Variants in PCDHA9 observed in about 807,000 individuals in gnomAD.
The protein encoded by PCDHA9 is protocadherin alpha-9.
PCDHA9 carries 62 observed loss-of-function variants against 62.0 expected under a neutral mutation model. That is an observed-to-expected ratio of 1.00 (90% CI 0.81 to 1.23). The LOEUF is 1.23. PCDHA9 is among the 50% of genes most tolerant of loss of function. The pLI is 0.00. For synonymous variants in PCDHA9, 557 were observed against 567.6 expected, an observed-to-expected ratio of 0.98 and a Z score of 0.27; for missense variants, 1,205 against 1,249.8, an observed-to-expected ratio of 0.96 and a Z score of 0.54.
At chr5:140,989,863 TTCTC>T (rs2097364159) in intron 3 of PCDHA9, among the ~76,000 whole-genome samples, 1 of 151,988 alleles carries the variant, frequency 6.6e-6, no homozygotes, top group Non-Finnish European at 1.5e-5. Flanking sequence ...AGAGGAATCT[TTCTC>T]TGCCTCAGCA....
At chr5:140,964,566 G>A (rs2095840528) in intron 1 of PCDHA9, among the ~76,000 whole-genome samples, 1 of 152,168 alleles carries the variant, frequency 6.6e-6, no homozygotes, top group Non-Finnish European at 1.5e-5. Context: ...GGGCTGGGAG[G>A]AGATAAGGGG....
At chr5:140,927,243 C>A in intron 1 of PCDHA9, 1 of 1,614,132 alleles carries the variant, frequency 6.2e-7, no homozygotes. Flanking sequence ...TCCTGGACAC[C>A]AATGACAACT....
At chr5:141,000,595 T>G (rs1438785385) in intron 3 of PCDHA9, among the ~76,000 whole-genome samples, 1 of 150,924 alleles carries the variant, frequency 6.6e-6, no homozygotes, top group African/African-American at 2.4e-5. Context: ...GCCCAGCTAA[T>G]TTTTGTATTT....
chr5:140,955,452 G>C (rs921510611), intron 1 of PCDHA9, among the ~76,000 whole-genome samples: 3 of 152,024 alleles, frequency 2.0e-5, no homozygotes, highest in Non-Finnish European at 4.4e-5. Context: ...TTTTATAAGG[G>C]CTTTTTCCTT....
chr5:140,973,329 G>A (rs1303671094), intron 1 of PCDHA9, among the ~76,000 whole-genome samples: 6 of 152,112 alleles, frequency 3.9e-5, no homozygotes, highest in Non-Finnish European at 7.3e-5. Flanking sequence ...GTTTACACTC[G>A]TTGTAAAGTG....
chr5:140,869,469 G>T, intron 1 of PCDHA9: 1 of 1,614,210 alleles, frequency 6.2e-7, no homozygotes, highest in Non-Finnish European at 8.5e-7. Context: ...TGAACGTGGA[G>T]GTGAAGGACA....
At chr5:140,907,099 C>T (rs2073164781) in intron 1 of PCDHA9, among the ~76,000 whole-genome samples, 1 of 152,108 alleles carries the variant, frequency 6.6e-6, no homozygotes, top group Admixed American at 6.5e-5. Flanking sequence ...GGTGCCACTT[C>T]CACTTCCACC....
intron 1 of PCDHA9, chr5:140,966,642 GA>G (rs1563353190): frequency 3.1e-5 from 35 of 1,117,790 alleles, no homozygotes; most frequent in Non-Finnish European, 4.1e-5. Context: ...GCGCTTTCTA[GA>G]GCGTGAGCGG....
intron 1 of PCDHA9, chr5:140,870,383 G>C: frequency 6.2e-7 from 1 of 1,614,242 alleles, no homozygotes; most frequent in South Asian, 1.1e-5. Flanking sequence ...GTGACTGCGC[G>C]GGATGGGGGT....
At chr5:140,974,379 T>G (rs2096625482) in intron 1 of PCDHA9, among the ~76,000 whole-genome samples, 1 of 152,250 alleles carries the variant, frequency 6.6e-6, no homozygotes, top group South Asian at 2.1e-4. Flanking sequence ...TCTGTTGTAC[T>G]GGAACCCATT....
intron 1 of PCDHA9, chr5:140,967,874 C>T: frequency 6.2e-7 from 1 of 1,614,132 alleles, no homozygotes; most frequent in Non-Finnish European, 8.5e-7. Context: ...GCTCACGGAC[C>T]TGTATAGCCC....
chr5:140,884,240 G>A (rs139927854), intron 1 of PCDHA9: 5 of 1,613,368 alleles, frequency 3.1e-6, no homozygotes, highest in African/African-American at 1.3e-5. Context: ...CGGTGAGCCC[G>A]CGCTGACGGC....
intron 1 of PCDHA9, among the ~76,000 whole-genome samples, chr5:140,873,067 TATC>T (rs2054071448): frequency 1.3e-5 from 2 of 152,218 alleles, no homozygotes; most frequent in Admixed American, 1.3e-4. Flanking sequence ...TTGAGAATCA[TATC>T]TAGCTATTTC....
intron 1 of PCDHA9, chr5:140,928,845 T>C: frequency 6.2e-7 from 1 of 1,614,180 alleles, no homozygotes; most frequent in Non-Finnish European, 8.5e-7. Flanking sequence ...CCTCTGTCAC[T>C]CTGGGTGTGC....
Position 140,969,197 on chromosome 5 carries a change from A to G in PCDHA9, c.2395-9752A>G, listed in dbSNP as rs782342139. 4 of 1,614,132 alleles carry G rather than the reference A, an allele frequency of 2.5e-6. No individual in the cohort carries two copies. In the South Asian group the frequency reaches 4.4e-5, roughly 18 times the overall value. On this transcript the variant is annotated intron_variant, in intron 1 of 3. Coordinates refer to ENST00000532602, the MANE Select transcript of PCDHA9 (RefSeq NM_031857.2). ...GAGTGACACTTTCATGTTTTACAAT[A>G]CAGGGGCCCAGACAGGACCAGGGCC...
At chr5:140,946,801 G>C (rs2094030166) in intron 1 of PCDHA9, among the ~76,000 whole-genome samples, 1 of 151,430 alleles carries the variant, frequency 6.6e-6, no homozygotes, top group African/African-American at 2.4e-5. Flanking sequence ...TAGAAGCAGA[G>C]AGTATAACAG....
intron 3 of PCDHA9, among the ~76,000 whole-genome samples, chr5:141,002,682 G>T (rs536105955): frequency 6.6e-6 from 1 of 152,140 alleles, no homozygotes; most frequent in Non-Finnish European, 1.5e-5. Flanking sequence ...CCTATACGAC[G>T]TGCAGATTTG....
chr5:140,902,465 T>C (rs535908878), intron 1 of PCDHA9, among the ~76,000 whole-genome samples: 4 of 152,280 alleles, frequency 2.6e-5, no homozygotes, highest in Non-Finnish European at 4.4e-5. Flanking sequence ...AGAAAAGGCT[T>C]TGAGTTTTTG....
In PCDHA9 at chr5:140,848,593, A is replaced by T; in HGVS notation, c.98A>T (p.Tyr33Phe). Residue 33 changes from tyrosine to phenylalanine, a missense_variant, in exon 1 of 4, where the codon TAC becomes TTC. Tyr to Phe is a conservative substitution (Grantham distance 22). Around this residue, in one of 3 missense-constraint regions of PCDHA9, gnomAD observed 208 missense variants for 213.2 expected, o/e 0.98. Coordinates refer to ENST00000532602, the MANE Select transcript of PCDHA9 (RefSeq NM_031857.2). ...GTGGTGGGGAGCGGCCAGCTCCACT[A>T]CTCCGTCCCGGAGGAAGCCGAACAC... Reference protein sequence around the residue: ...MWVVGSGQLHYSVPEEAEHGT... With the variant: ...MWVVGSGQLHFSVPEEAEHGT... 1.3e-6 allele frequency: 2 copies of T among 1,593,964 alleles called. No individual in the cohort carries two copies. The highest frequency in any genetic ancestry group is 1.7e-6 in the Non-Finnish European group (2 of 1,164,530).
Sources: gnomAD v4.1 joint callset for allele counts (sites outside exome capture counted in the v4.1 genomes callset) on GRCh38, gnomAD v4.1.1 for gene constraint, gnomAD v4.1.1 regional missense constraint, MANE v1.5 for transcripts, NCBI Gene and HGNC (gene_info 2026-07-23, HGNC 2026-07-21) for gene names.